Variants in KLF8 observed in about 807,000 individuals in gnomAD.
KLF8 encodes the protein Krueppel-like factor 8.
A neutral mutation model predicts 18.2 loss-of-function variants in KLF8; 10 were observed. That is an observed-to-expected ratio of 0.55 (90% confidence interval 0.34 to 0.93). The LOEUF is 0.93. Among genes scored for constraint, KLF8 ranks in the 40% least tolerant of loss-of-function variants. The probability of loss-of-function intolerance (pLI) is 0.02; values close to 1 mark genes in which losing one functional copy is unlikely to be tolerated. For missense variants in KLF8, 264 were observed against 277.9 expected, an observed-to-expected ratio of 0.95 and a Z score of 0.36; for synonymous variants, 109 against 97.3, an observed-to-expected ratio of 1.12 and a Z score of -0.71.
the KLF8 span, among the ~76,000 whole-genome samples, chrX:56,195,687 A>G: frequency 8.9e-6 from 1 of 112,017 alleles, no homozygotes; most frequent in South Asian, 3.7e-4. Context: ...AATTTCTCCA[A>G]CCTAGCAAGG....
the KLF8 span, among the ~76,000 whole-genome samples, chrX:55,983,659 G>A: frequency 8.9e-6 from 1 of 111,787 alleles, no homozygotes; most frequent in African/African-American, 3.2e-5. Context: ...AATGGTACAA[G>A]TGGGTTTTGG....
chrX:56,009,067 G>A, the KLF8 span, among the ~76,000 whole-genome samples: 1 of 110,957 alleles, frequency 9.0e-6, no homozygotes. Context: ...CCAGCACCAA[G>A]GGGCAACCAG....
intron 4 of KLF8, 37 bp from the exon 5 acceptor site, chrX:56,270,145 A>T: frequency 8.6e-7 from 1 of 1,162,656 alleles, no homozygotes; most frequent in Non-Finnish European, 1.2e-6. Flanking sequence ...TTCACTTTAA[A>T]GTCACTGTTT....
the KLF8 span, among the ~76,000 whole-genome samples, chrX:56,014,637 A>G: frequency 0.22 from 23,989 of 110,562 alleles, 5,435 homozygotes; most frequent in African/African-American, 0.69. Context: ...GTATATACCC[A>G]TAGGAATATA....
At chrX:56,030,502 T>A in the KLF8 span, among the ~76,000 whole-genome samples, 125 of 111,356 alleles carry the variant, frequency 1.1e-3, no homozygotes, top group Non-Finnish European at 1.8e-3. Flanking sequence ...GGAGTATTAT[T>A]TTTCCAATTG....
chrX:56,058,279 CATATATATATAT>C, the KLF8 span, among the ~76,000 whole-genome samples: 43 of 7,299 alleles, frequency 5.9e-3, no homozygotes, highest in South Asian at 0.015. Context: ...CATATATATA[CATATATATATAT>C]ATATATATAT....
chrX:55,939,118 G>A, the KLF8 span, among the ~76,000 whole-genome samples: 2 of 111,410 alleles, frequency 1.8e-5, no homozygotes, highest in African/African-American at 6.5e-5. Flanking sequence ...TGACCACATG[G>A]TTGGAAGTAA....
At chrX:56,149,626 C>T in the KLF8 span, among the ~76,000 whole-genome samples, 1 of 111,361 alleles carries the variant, frequency 9.0e-6, no homozygotes, top group Non-Finnish European at 1.9e-5. Context: ...TGCAAAAAAG[C>T]AAAATAAAAA....
At chrX:56,090,172 C>A in the KLF8 span, among the ~76,000 whole-genome samples, 3 of 111,947 alleles carry the variant, frequency 2.7e-5, no homozygotes, top group African/African-American at 9.7e-5. Flanking sequence ...GCTTTCTCAG[C>A]CTTATATGCT....
chrX:56,084,863 C>G, the KLF8 span, among the ~76,000 whole-genome samples: 5 of 111,578 alleles, frequency 4.5e-5, no homozygotes, highest in Non-Finnish European at 9.4e-5. Flanking sequence ...TGAGAAGTCC[C>G]CATGAGAATT....
the KLF8 span, among the ~76,000 whole-genome samples, chrX:55,934,277 A>T: frequency 9.0e-6 from 1 of 111,659 alleles, no homozygotes; most frequent in Non-Finnish European, 1.9e-5. Context: ...GGGTTTAATT[A>T]AGATTTTCTA....
chrX:56,032,607 T>G, the KLF8 span, among the ~76,000 whole-genome samples: 3 of 112,253 alleles, frequency 2.7e-5, no homozygotes, highest in African/African-American at 6.5e-5. Context: ...GATTCTTGCT[T>G]CTTTTACTCA....
At chrX:56,181,970 T>G in the KLF8 span, among the ~76,000 whole-genome samples, 1 of 111,274 alleles carries the variant, frequency 9.0e-6, no homozygotes, top group East Asian at 2.8e-4. Context: ...AGTATCTTCG[T>G]GGTGCTCTCT....
At chrX:56,070,694 G>T in the KLF8 span, among the ~76,000 whole-genome samples, 120 of 111,057 alleles carry the variant, frequency 1.1e-3, 1 homozygote, top group Non-Finnish European at 2.0e-3. Flanking sequence ...TTTGAGGACA[G>T]GTCAATAGGT....
the KLF8 span, among the ~76,000 whole-genome samples, chrX:55,993,004 A>T: frequency 2.7e-5 from 3 of 111,472 alleles, no homozygotes; most frequent in African/African-American, 6.5e-5. Flanking sequence ...TTTGGCAGAG[A>T]TTATGGTGTG....
At chrX:56,074,641 G>A in the KLF8 span, 1 of 146,898 alleles carries the variant, frequency 6.8e-6, no homozygotes, top group East Asian at 2.5e-4. Context: ...TAATTCAGTG[G>A]TCTATATATT....
chrX:56,243,413 A>T lies in KLF8; in HGVS notation c.8-6818A>T, dbSNP rs188138271. On this transcript the variant is annotated intron_variant, in intron 1 of 5. Coordinates refer to ENST00000468660, the MANE Select transcript of KLF8 (RefSeq NM_007250.5). ...CCTTCTTCCCTTTCCGCGCCATCTT[A>T]TCGGGGTTTTCTGTTTTACAGCTAC... is the stretch of plus-strand genomic sequence containing the variant. The T allele has an allele frequency of 1.3e-3, 301 of 236,408 alleles. 1 individual carries two copies. The highest frequency in any genetic ancestry group is 8.9e-3 in the African/African-American group (289 of 32,474). The allele number at this position is 236,408 out of a possible 1,213,427, so 19.5% of individuals were successfully genotyped here.
chrX:56,031,506 C>G, the KLF8 span, among the ~76,000 whole-genome samples: 1 of 112,014 alleles, frequency 8.9e-6, no homozygotes, highest in African/African-American at 3.2e-5. Context: ...TGTTCAGCCA[C>G]TGCTTTGGTC....
the KLF8 span, among the ~76,000 whole-genome samples, chrX:56,088,054 A>G: frequency 9.0e-6 from 1 of 111,576 alleles, no homozygotes; most frequent in East Asian, 2.8e-4. Flanking sequence ...TAATCCACAT[A>G]CAATTGCCTT....
Sources: gnomAD v4.1 joint callset for allele counts (sites outside exome capture counted in the v4.1 genomes callset) on GRCh38, gnomAD v4.1.1 for gene constraint, MANE v1.5 for transcripts, NCBI Gene and HGNC (gene_info 2026-07-23, HGNC 2026-07-21) for gene names.